XYLB: variants seen among roughly 807,000 people sequenced by gnomAD.
XYLB encodes the protein xylulose kinase.
In XYLB, 62 loss-of-function variants were observed where a neutral mutation model predicts 78.7. That is an observed-to-expected ratio of 0.79 (90% CI 0.64 to 0.97). The LOEUF is 0.97. Among genes scored for constraint, XYLB ranks in the 50% least tolerant of loss-of-function variants. XYLB has a pLI of 0.00. For missense variants in XYLB, 687 were observed against 676.8 expected (o/e 1.02, Z -0.17); for synonymous variants, 245 against 247.4 (o/e 0.99, Z 0.09).
intron 2 of XYLB, among the ~76,000 whole-genome samples, chr3:38,353,052 C>A (rs1705453850): frequency 6.6e-6 from 1 of 152,116 alleles, no homozygotes; most frequent in Non-Finnish European, 1.5e-5. Context: ...ATTATTGCCA[C>A]GCACAGATAT....
the XYLB span, among the ~76,000 whole-genome samples, chr3:38,444,035 TA>T: frequency 1.3e-5 from 2 of 152,184 alleles, no homozygotes; most frequent in African/African-American, 4.8e-5. Context: ...TTTACTTGAC[TA>T]AAATACCAGG....
intron 18 of XYLB, among the ~76,000 whole-genome samples, chr3:38,409,403 A>G (rs1575542971): frequency 6.6e-6 from 1 of 152,220 alleles, no homozygotes; most frequent in South Asian, 2.1e-4. Flanking sequence ...AATAAGAGCT[A>G]TCTATGACAA....
intron 7 of XYLB, 61 bp downstream of exon 7, chr3:38,366,934 G>A (rs1223248729): frequency 1.6e-5 from 18 of 1,147,674 alleles, no homozygotes; most frequent in Middle Eastern, 1.9e-4. Context: ...TAATATGTTA[G>A]AATAGATACA....
downstream of XYLB, among the ~76,000 whole-genome samples, chr3:38,425,463 G>A (rs1407006675): frequency 6.6e-6 from 1 of 152,188 alleles, no homozygotes; most frequent in Non-Finnish European, 1.5e-5. Context: ...TAGGAATGGT[G>A]ATTATAGGAC....
rs758660623 is a variant in XYLB, at chr3:38,366,842, A to G, written c.542A>G (p.Gln181Arg). 9 of 1,613,708 alleles carry G rather than the reference A, an allele frequency of 5.6e-6. No individual in the cohort carries two copies. The South Asian group carries it at 7.7e-5, about 14-fold the overall frequency. The change falls in exon 7 of 19, where the codon CAG becomes CGG. Residue 181 changes from glutamine to arginine, a missense_variant. Transcript: ENST00000207870. Reference protein sequence around the residue: ...FTGNQIAKIYQQNPEAYSHTE... With the variant: ...FTGNQIAKIYRQNPEAYSHTE... ...GGGAACCAAATTGCAAAAATTTACCAGCAGAACCCCGAGGCCTACTCACAT... is the reference window on the plus strand; with the variant it reads ...GGGAACCAAATTGCAAAAATTTACCGGCAGAACCCCGAGGCCTACTCACAT...
chr3:38,384,033 T>G (rs1707269524), intron 15 of XYLB, among the ~76,000 whole-genome samples: 1 of 152,078 alleles, frequency 6.6e-6, no homozygotes, highest in Admixed American at 6.6e-5. Flanking sequence ...AGGGTGTTCT[T>G]GTTTTTTTTG....
At chr3:38,419,554 C>T (rs1375570598), downstream of XYLB, among the ~76,000 whole-genome samples, 1 of 92,306 alleles carries the variant, frequency 1.1e-5, no homozygotes, top group African/African-American at 3.6e-5. Context: ...TCTCTACATC[C>T]TTGTCAACAC....
At chr3:38,416,042 C>T (rs903109291), downstream of XYLB, among the ~76,000 whole-genome samples, 7 of 152,162 alleles carry the variant, frequency 4.6e-5, no homozygotes, top group East Asian at 7.7e-4. Context: ...GGGGAAACCA[C>T]CCCCATGATC....
At chr3:38,434,181 G>T in the XYLB span, among the ~76,000 whole-genome samples, 1 of 152,198 alleles carries the variant, frequency 6.6e-6, no homozygotes, top group Non-Finnish European at 1.5e-5. Context: ...ACCTGGTCCT[G>T]CCTTTGACAT....
intron 17 of XYLB, among the ~76,000 whole-genome samples, chr3:38,400,256 A>G (rs1489815188): frequency 1.3e-5 from 2 of 152,158 alleles, no homozygotes; most frequent in Non-Finnish European, 2.9e-5. Context: ...GAGACACAGT[A>G]TCTGGCCTCG....
chr3:38,409,495 C>G (rs1323472885), intron 18 of XYLB, among the ~76,000 whole-genome samples: 3 of 152,286 alleles, frequency 2.0e-5, no homozygotes, highest in African/African-American at 7.2e-5. Flanking sequence ...GATGCCCTCT[C>G]TCACCACTCC....
intron 3 of XYLB, among the ~76,000 whole-genome samples, chr3:38,360,799 C>T (rs957012075): frequency 2.6e-5 from 4 of 152,078 alleles, no homozygotes; most frequent in African/African-American, 4.8e-5. Flanking sequence ...TTTGGGAGGC[C>T]GAGGCAGGTG....
intron 16 of XYLB, 142 bp from the exon 17 acceptor site, chr3:38,396,930 C>A: frequency 1.3e-6 from 1 of 794,238 alleles, no homozygotes; most frequent in Non-Finnish European, 2.1e-6. Flanking sequence ...CATGACCAAG[C>A]ATACTCCTCT....
In XYLB at chr3:38,362,925, T is replaced by A; in HGVS notation, c.211-12T>A. ...TCTGTACAGTCATGGTGGGTTCTGT[T>A]TTTCTTCTTAGGCACTGGATATCAT... On this transcript the variant is annotated splice_polypyrimidine_tract_variant and intron_variant, in intron 3 of 18. Coordinates refer to ENST00000207870, the MANE Select transcript of XYLB (RefSeq NM_005108.4). The A allele has an allele frequency of 1.3e-6, 2 of 1,561,590 alleles. No individual in the cohort carries two copies. The highest frequency in any genetic ancestry group is 1.7e-6 in the Non-Finnish European group (2 of 1,152,488).
chr3:38,452,448 TGAGA>T, the XYLB span: 8 of 152,098 alleles, frequency 5.3e-5, no homozygotes, highest in Non-Finnish European at 1.2e-4. Flanking sequence ...GTTTTTTTTT[TGAGA>T]GAGAGTCTCA....
chr3:38,374,019 A>T (rs1559590915), intron 10 of XYLB, among the ~76,000 whole-genome samples: 1 of 140,286 alleles, frequency 7.1e-6, no homozygotes, highest in Non-Finnish European at 1.5e-5. Flanking sequence ...CCCCACCTAT[A>T]TATCTCTTAA....
intron 3 of XYLB, 100 bp downstream of exon 3, chr3:38,360,508 A>C: frequency 9.4e-7 from 1 of 1,064,636 alleles, no homozygotes; most frequent in South Asian, 1.5e-5. Context: ...CAATGAGAGC[A>C]TCTGTTGTCA....
chr3:38,377,099 A>C, intron 14 of XYLB, 108 bp downstream of exon 14: 1 of 951,186 alleles, frequency 1.1e-6, no homozygotes, highest in Non-Finnish European at 1.7e-6. Context: ...TCATTCACTC[A>C]TCCATTAATA....
At chr3:38,379,200 G>T (rs1257123950) in intron 14 of XYLB, 46 bp from the exon 15 acceptor site, 2 of 1,585,468 alleles carry the variant, frequency 1.3e-6, no homozygotes. Flanking sequence ...CACACGAATG[G>T]ACAATGAGAG....
Sources: allele counts gnomAD v4.1 joint callset (sites outside exome capture counted in the v4.1 genomes callset), GRCh38; gene constraint gnomAD v4.1.1; transcripts MANE v1.5; gene names NCBI Gene and HGNC (gene_info 2026-07-23, HGNC 2026-07-21).